Variants in ARHGAP11B observed in about 807,000 individuals in gnomAD.
The protein encoded by ARHGAP11B is Rho GTPase activating protein 11B, also known as inactive Rho GTPase-activating protein 11B.
ARHGAP11B carries 14 observed loss-of-function variants against 27.6 expected under a neutral mutation model. That is an observed-to-expected ratio of 0.51 (90% CI 0.34 to 0.79). ARHGAP11B has a LOEUF of 0.79. ARHGAP11B is among the 30% of genes least tolerant of loss of function. The probability of loss-of-function intolerance (pLI) is 0.02; values close to 1 mark genes in which losing one functional copy is unlikely to be tolerated. For missense variants in ARHGAP11B, 245 were observed against 320.1 expected, an observed-to-expected ratio of 0.77 and a Z score of 1.79; for synonymous variants, 82 against 114.1, an observed-to-expected ratio of 0.72 and a Z score of 1.80.
In ARHGAP11B at chr15:30,644,528, T is replaced by C. The variant is rs377080120; in HGVS notation, c.*79-111T>C. On this transcript the variant is annotated intron_variant, in intron 7 of 10. Transcript: ENST00000428041. Reference sequence around the variant, plus strand: ...TCTTATTGTTTTTGGTAACAAATTTTACACATTCTTTTTTTGTCCTCATTG... The same window carrying C: ...TCTTATTGTTTTTGGTAACAAATTTCACACATTCTTTTTTTGTCCTCATTG... 8.5e-5 allele frequency: 52 copies of C among 612,512 alleles called. 2 individuals are homozygous for C. In the East Asian group the frequency reaches 1.4e-3, roughly 16 times the overall value. The allele number at this position is 612,512 out of a possible 1,614,324, so 37.9% of individuals were successfully genotyped here.
intron 6 of ARHGAP11B, among the ~76,000 whole-genome samples, chr15:30,637,624 C>G (rs899345694): frequency 1.3e-5 from 2 of 151,888 alleles, no homozygotes; most frequent in African/African-American, 4.8e-5. Context: ...GTCCCAGCTA[C>G]TTGGGAGGCT....
intron 7 of ARHGAP11B, among the ~76,000 whole-genome samples, chr15:30,639,669 T>C (rs1352485666): frequency 2.6e-5 from 4 of 152,040 alleles, no homozygotes; most frequent in African/African-American, 9.7e-5. Context: ...AAGTGTAAAT[T>C]GCCATGCCAG....
At chr15:30,645,612 G>C (rs1307911184) in intron 8 of ARHGAP11B, among the ~76,000 whole-genome samples, 2 of 151,878 alleles carry the variant, frequency 1.3e-5, no homozygotes, top group African/African-American at 2.4e-5. Flanking sequence ...ATTTTAGGGG[G>C]TATCACATTT....
chr15:30,637,500 C>G (rs2060287403), intron 6 of ARHGAP11B, among the ~76,000 whole-genome samples: 1 of 152,046 alleles, frequency 6.6e-6, no homozygotes, highest in African/African-American at 2.4e-5. Flanking sequence ...TCTGGGAGAC[C>G]AAGGTGGGCG....
At chr15:30,637,904 C>T (rs2060291660) in intron 6 of ARHGAP11B, among the ~76,000 whole-genome samples, 1 of 149,882 alleles carries the variant, frequency 6.7e-6, no homozygotes, top group Admixed American at 6.7e-5. Context: ...ACTGCAATCT[C>T]CACCTCCTGG....
At chr15:30,635,084 A>G (rs1410866681) in exon 5 of ARHGAP11B, 1 of 1,613,118 alleles carries the variant, frequency 6.2e-7, no homozygotes, top group Non-Finnish European at 8.5e-7. Flanking sequence ...CTTAAGATCC[A>G]GTGAGAATAA....
intron 6 of ARHGAP11B, among the ~76,000 whole-genome samples, chr15:30,637,756 A>G (rs922070568): frequency 6.6e-6 from 1 of 150,918 alleles, no homozygotes; most frequent in Non-Finnish European, 1.5e-5. Context: ...TAAAAAAAGA[A>G]TCTTCTTGGT....
At chr15:30,647,463 G>C (rs531440713) in intron 9 of ARHGAP11B, among the ~76,000 whole-genome samples, 1 of 151,992 alleles carries the variant, frequency 6.6e-6, no homozygotes, top group Admixed American at 6.6e-5. Flanking sequence ...AGTGGTAGGA[G>C]AAACTAAAAG....
chr15:30,626,525 T>C (rs1793932301), exon 1 of ARHGAP11B: 1 of 442,154 alleles, frequency 2.3e-6, no homozygotes, highest in South Asian at 4.2e-5. Flanking sequence ...CAGAAAGAAG[T>C]CTATGTGAGT....
At chr15:30,637,380 TCAGA>T (rs2060286213) in intron 6 of ARHGAP11B, among the ~76,000 whole-genome samples, 1 of 152,110 alleles carries the variant, frequency 6.6e-6, no homozygotes, top group Non-Finnish European at 1.5e-5. Context: ...CCATCTATAA[TCAGA>T]CAGTTTTTGT....
At position 30,646,066 on chromosome 15, in the gene ARHGAP11B, A is replaced by G. The variant is rs1379430809; in HGVS notation, c.*143-48A>G. The G allele has an allele frequency of 1.8e-5, 8 of 453,700 alleles. No homozygotes were observed. The Admixed American group carries it at 1.8e-4, about 10-fold the overall frequency. 28.1% of individuals were successfully genotyped at this position (453,700 alleles called of 1,614,324 possible). Reference sequence around the variant, plus strand: ...GTGTTTCTCATGTAATGTTTCCAGCAGTTGTTTTTCTCATCATCATACTTC... The same window carrying G: ...GTGTTTCTCATGTAATGTTTCCAGCGGTTGTTTTTCTCATCATCATACTTC... On this transcript the variant is annotated intron_variant, in intron 8 of 10. Coordinates refer to ENST00000428041, the Ensembl canonical transcript of ARHGAP11B.
chr15:30,630,611 T>A lies in ARHGAP11B; in HGVS notation c.130-92T>A, dbSNP rs193125742. The stretch of plus-strand genomic sequence containing the variant: ...TTTATCATTTATTTCTGATTTTTTT[T>A]AATTTCCTGAGTTCTTTAATTTGCC... On this transcript the variant is annotated intron_variant, in intron 1 of 10. Coordinates refer to ENST00000428041, the Ensembl canonical transcript of ARHGAP11B. 2.3e-4 allele frequency: 355 copies of A among 1,573,506 alleles called. 5 individuals are homozygous for A. The African/African-American group carries it at 3.1e-3, about 14-fold the overall frequency.
Position 30,626,890 on chromosome 15 carries a change from A to T in ARHGAP11B, c.70A>T (p.Lys24Ter). 6.2e-7 allele frequency: 1 copy of T among 1,613,492 alleles called. No homozygotes were observed. Among genetic ancestry groups the T allele is most frequent in the South Asian group, 1.1e-5 (1 of 91,046 alleles). ...GCGGGCCTTCTATGGTATTAAGGTG[A>T]AGGGTGTCCGTGGGCAGTGCGATCG... The change falls in exon 1 of 11, where the codon AAG (lysine) becomes TAG (stop). Residue 24 changes from lysine (K) to a stop codon, truncating the protein, a stop_gained. Coordinates refer to ENST00000428041, the Ensembl canonical transcript of ARHGAP11B. LOFTEE classifies it high-confidence loss of function.
chr15:30,642,625 AC>A (rs1472520111), intron 7 of ARHGAP11B, among the ~76,000 whole-genome samples: 7 of 151,940 alleles, frequency 4.6e-5, no homozygotes, highest in African/African-American at 1.7e-4. Flanking sequence ...TATATAGATA[AC>A]AGTAATATTC....
At chr15:30,631,504 T>A (rs76225618) in intron 2 of ARHGAP11B, among the ~76,000 whole-genome samples, 37,009 of 149,716 alleles carry the variant, frequency 0.25, 4,166 homozygotes, top group Middle Eastern at 0.31. Flanking sequence ...ATAAAAAAAA[T>A]TTTAAAGAAA....
In ARHGAP11B at chr15:30,635,582, G is replaced by A. The variant is rs376751790; in HGVS notation, c.756G>A (p.Val252=). The A allele has an allele frequency of 6.9e-5, 112 of 1,613,464 alleles. 2 individuals are homozygous for A. In the Middle Eastern group the frequency reaches 2.0e-3, roughly 29 times the overall value. Reference sequence around the variant, plus strand: ...ATCACTGGAAGGCTTTGAAGAAGGTGAATATGAAACTCCTGGTGAATATAA... The same window carrying A: ...ATCACTGGAAGGCTTTGAAGAAGGTAAATATGAAACTCCTGGTGAATATAA... The change falls in exon 6 of 11, where the codon GTG becomes GTA. Residue 252 remains valine, a synonymous_variant. Coordinates refer to ENST00000428041, the Ensembl canonical transcript of ARHGAP11B.
At chr15:30,633,133 G>A (rs1231795114) in intron 2 of ARHGAP11B, among the ~76,000 whole-genome samples, 1 of 150,066 alleles carries the variant, frequency 6.7e-6, no homozygotes, top group East Asian at 2.0e-4. Flanking sequence ...CTATTTCTTT[G>A]GAGTAATGAG....
exon 1 of ARHGAP11B, chr15:30,626,238 G>A (rs538941432): frequency 1.1e-4 from 17 of 152,972 alleles, no homozygotes; most frequent in African/African-American, 4.1e-4. Flanking sequence ...CAGGCTGATG[G>A]GGGAGGGAAC....
At chr15:30,649,027 T>C (rs1255680793) in exon 11 of ARHGAP11B, 1 of 152,042 alleles carries the variant, frequency 6.6e-6, no homozygotes, top group Non-Finnish European at 1.5e-5. Flanking sequence ...TACCCTTGAA[T>C]GGCGTGCCCC....
Sources: gnomAD v4.1 joint callset for allele counts (sites outside exome capture counted in the v4.1 genomes callset) on GRCh38, gnomAD v4.1.1 for gene constraint, MANE v1.5 for transcripts, NCBI Gene and HGNC (gene_info 2026-07-23, HGNC 2026-07-21) for gene names.